ACTL8: variants seen among roughly 807,000 people sequenced by gnomAD.
ACTL8 encodes the protein actin-like protein 8.
In ACTL8, 3 loss-of-function variants were observed where a neutral mutation model predicts 9.3. That is an observed-to-expected ratio of 0.32 (90% CI 0.15 to 0.83). ACTL8 has a LOEUF of 0.83. ACTL8 is among the 40% of genes least tolerant of loss of function. ACTL8 has a pLI of 0.57. For synonymous variants in ACTL8, 224 were observed against 205.9 expected (o/e 1.09, Z -0.75); for missense variants, 381 against 492.2 (o/e 0.77, Z 2.14).
At chr1:17,774,295 A>G (rs1398201104) in intron 1 of ACTL8, among the ~76,000 whole-genome samples, 1 of 152,066 alleles carries the variant, frequency 6.6e-6, no homozygotes, top group Non-Finnish European at 1.5e-5. Context: ...CTGAACAGCT[A>G]GGCGCCCTTG....
chr1:17,814,033 C>A (rs796548130), intron 1 of ACTL8, among the ~76,000 whole-genome samples: 23 of 152,264 alleles, frequency 1.5e-4, no homozygotes, highest in African/African-American at 5.5e-4. Context: ...AAAGAACTAG[C>A]TTTTAGCTTT....
intron 1 of ACTL8, among the ~76,000 whole-genome samples, chr1:17,797,403 G>T (rs1190554104): frequency 6.6e-6 from 1 of 152,192 alleles, no homozygotes; most frequent in Non-Finnish European, 1.5e-5. Context: ...AGTGCCTGGA[G>T]CTTACTTCAT....
At chr1:17,775,672 G>C (rs1234111179) in intron 1 of ACTL8, among the ~76,000 whole-genome samples, 1 of 152,232 alleles carries the variant, frequency 6.6e-6, no homozygotes, top group African/African-American at 2.4e-5. Flanking sequence ...TCTCAGCAGA[G>C]TTAAAGATAT....
chr1:17,803,438 C>G (rs2066337745), intron 1 of ACTL8, among the ~76,000 whole-genome samples: 2 of 152,236 alleles, frequency 1.3e-5, no homozygotes, highest in South Asian at 4.1e-4. Context: ...TCAAGTGATT[C>G]TCCTGCCTCA....
In ACTL8 at chr1:17,826,525, C is replaced by CTGG; in HGVS notation, c.*7_*9dup. The CTGG allele has an allele frequency of 2.6e-6, 4 of 1,539,470 alleles. No homozygotes were observed. The highest frequency in any genetic ancestry group is 3.5e-6 in the Non-Finnish European group (4 of 1,138,158). Reference sequence around the variant, plus strand: ...GTGAGCATATGAGGATGTGACCCTACTGGCTCACTCCTGAGAATGGGCTCC... The same window carrying CTGG: ...GTGAGCATATGAGGATGTGACCCTACTGGTGGCTCACTCCTGAGAATGGGCTCC... On this transcript the variant is annotated 3_prime_UTR_variant, in exon 3 of 3. Coordinates refer to ENST00000375406, the MANE Select transcript of ACTL8 (RefSeq NM_030812.3). This position sits in a 1 kb window ranked among gnomAD's most constrained non-coding sequence, Gnocchi z 4.5.
intron 1 of ACTL8, among the ~76,000 whole-genome samples, chr1:17,760,830 C>T (rs929321184): frequency 1.3e-5 from 2 of 152,190 alleles, no homozygotes; most frequent in Admixed American, 6.5e-5. Context: ...TGCTGTGCCC[C>T]AGCAAGTCAA....
chr1:17,786,212 A>G (rs59710972), intron 1 of ACTL8, among the ~76,000 whole-genome samples: 14,984 of 152,226 alleles, frequency 0.098, 866 homozygotes, highest in East Asian at 0.19. Flanking sequence ...AGGAACAGGA[A>G]ATAGAATGAA....
At chr1:17,802,178 A>C (rs1342098830) in intron 1 of ACTL8, among the ~76,000 whole-genome samples, 2 of 152,140 alleles carry the variant, frequency 1.3e-5, no homozygotes, top group African/African-American at 4.8e-5. Context: ...TCTCTTACCG[A>C]AGTGCTTTTG....
intron 1 of ACTL8, among the ~76,000 whole-genome samples, chr1:17,758,556 T>C (rs2065981668): frequency 6.6e-6 from 1 of 152,180 alleles, no homozygotes; most frequent in African/African-American, 2.4e-5. Flanking sequence ...ATACTTATTG[T>C]AAATCTTCCT....
chr1:17,816,693 G>C (rs748511342), intron 1 of ACTL8, among the ~76,000 whole-genome samples: 25 of 152,160 alleles, frequency 1.6e-4, no homozygotes, highest in Admixed American at 1.4e-3. Context: ...CAGTACAAAG[G>C]CCTGTGCTCT....
intron 1 of ACTL8, among the ~76,000 whole-genome samples, chr1:17,792,879 T>G (rs1039177741): frequency 6.6e-6 from 1 of 152,170 alleles, no homozygotes; most frequent in Non-Finnish European, 1.5e-5. Context: ...CCCAGAGAAC[T>G]AGACAGAGGT....
Position 17,826,766 on chromosome 1 carries a change from C to A in ACTL8, c.*247C>A. On this transcript the variant is annotated 3_prime_UTR_variant, in exon 3 of 3. Coordinates refer to ENST00000375406, the MANE Select transcript of ACTL8 (RefSeq NM_030812.3). This position sits in a 1 kb window ranked among gnomAD's most constrained non-coding sequence, Gnocchi z 4.5. ...CAGGGGACAGTTTTTCCAGGGTGGCCTATCATTGGGGTATGAGTGGCTGAC... is the reference window on the plus strand; with the variant it reads ...CAGGGGACAGTTTTTCCAGGGTGGCATATCATTGGGGTATGAGTGGCTGAC... 1 of 358,738 alleles carries A rather than the reference C, an allele frequency of 2.8e-6. No homozygotes were observed. Among genetic ancestry groups the A allele is most frequent in the South Asian group, 1.0e-4 (1 of 9,626 alleles). 22.2% of individuals were successfully genotyped at this position (358,738 alleles called of 1,614,324 possible).
In ACTL8 at chr1:17,823,150, C is replaced by T. The variant is rs141394572; in HGVS notation, c.142C>T (p.Arg48Cys). The change falls in exon 2 of 3, where the codon CGT becomes TGT. Residue 48 changes from arginine to cysteine, a missense_variant. This residue lies in a region of ACTL8 where 125 missense variants were observed against 180.7 expected (regional missense o/e 0.69). Coordinates refer to ENST00000375406, the MANE Select transcript of ACTL8 (RefSeq NM_030812.3). The surrounding 1 kb of genome is among the most constrained non-coding windows in gnomAD (Gnocchi z 5.3). ...GGAGAACCCTGGCCCCAGCTATGCC[C>T]GTAGGCGTGTGAGCCTGGGCATCGA... ...CKENPGPSYARRRVSLGIDIC... is the reference protein window; with the variant it reads ...CKENPGPSYACRRVSLGIDIC... 2.1e-4 allele frequency: 336 copies of T among 1,614,230 alleles called. No individual in the cohort carries two copies. The East Asian group carries it at 4.1e-3, about 19-fold the overall frequency.
At chr1:17,799,994 C>G (rs1394428762) in intron 1 of ACTL8, among the ~76,000 whole-genome samples, 2 of 152,164 alleles carry the variant, frequency 1.3e-5, no homozygotes, top group African/African-American at 4.8e-5. Flanking sequence ...ATTGCTGTAC[C>G]TCTGGGACAT....
chr1:17,774,073 C>T (rs997225374), intron 1 of ACTL8, among the ~76,000 whole-genome samples: 13 of 152,288 alleles, frequency 8.5e-5, no homozygotes, highest in African/African-American at 2.2e-4. Flanking sequence ...ACATTGCTGT[C>T]ATGGCCTAGA....
chr1:17,823,580 T>TA lies in ACTL8; in HGVS notation c.348+230dup, dbSNP rs531904710. On this transcript the variant is annotated intron_variant, in intron 2 of 2. Transcript: ENST00000375406. The surrounding 1 kb of genome is among the most constrained non-coding windows in gnomAD (Gnocchi z 5.3). ...CAATATAGTGAGACCCCTGTCTCTATAAAAAATACAAAAATTAGCCAGGTG... is the reference window on the plus strand; with the variant it reads ...CAATATAGTGAGACCCCTGTCTCTATAAAAAAATACAAAAATTAGCCAGGTG... 3.9e-3 allele frequency among the ~76,000 whole-genome samples: 590 copies of TA among 152,034 alleles called. 4 individuals carry two copies. Among genetic ancestry groups the TA allele is most frequent in the African/African-American group, 0.013 (554 of 41,460 alleles).
rs1469472721 is a variant in ACTL8, at chr1:17,755,364, C to T, written c.-165C>T. 1.3e-5 allele frequency: 2 copies of T among 152,242 alleles called. No individual in the cohort carries two copies. The highest frequency in any genetic ancestry group is 4.8e-5 in the African/African-American group (2 of 41,470). 9.4% of individuals were successfully genotyped at this position (152,242 alleles called of 1,614,324 possible). A position where few individuals can be genotyped will look rare whatever the true frequency, so the allele number is the denominator to read the frequency against. On this transcript the variant is annotated 5_prime_UTR_variant, in exon 1 of 3. Coordinates refer to ENST00000375406, the MANE Select transcript of ACTL8 (RefSeq NM_030812.3). The stretch of plus-strand genomic sequence containing the variant: ...TAGGCTGCGGCACCACGTGCAGCCG[C>T]TCTCGTGCAGGCGTTTGCAGTGTGC...
intron 1 of ACTL8, among the ~76,000 whole-genome samples, chr1:17,775,736 T>C (rs2066114335): frequency 6.6e-6 from 1 of 152,184 alleles, no homozygotes; most frequent in African/African-American, 2.4e-5. Flanking sequence ...AGGCACCTGC[T>C]TAACTTTGAG....
At chr1:17,759,142 G>A (rs2065986205) in intron 1 of ACTL8, among the ~76,000 whole-genome samples, 1 of 152,232 alleles carries the variant, frequency 6.6e-6, no homozygotes, top group Non-Finnish European at 1.5e-5. Flanking sequence ...TAGTCAAAGA[G>A]ATGGGCTTTT....
Sources: gnomAD v4.1 joint callset for allele counts (sites outside exome capture counted in the v4.1 genomes callset) on GRCh38, gnomAD v4.1.1 for gene constraint, gnomAD v4.1.1 regional missense constraint, Gnocchi (gnomAD v3.1) non-coding constraint, MANE v1.5 for transcripts, NCBI Gene and HGNC (gene_info 2026-07-23, HGNC 2026-07-21) for gene names.